ADARB1: variants seen among roughly 807,000 people sequenced by gnomAD.
The protein encoded by ADARB1 is adenosine deaminase RNA specific B1.
In ADARB1, 10 loss-of-function variants were observed where a neutral mutation model predicts 52.4. The ratio of observed to expected loss-of-function variants is 0.19; its 90% CI spans 0.12 to 0.32. ADARB1 has a LOEUF of 0.32. ADARB1 is among the 10% of genes least tolerant of loss of function. ADARB1 has a pLI of 1.00. For missense variants in ADARB1, 643 were observed against 922.3 expected, an observed-to-expected ratio of 0.70 and a Z score of 3.92; for synonymous variants, 349 against 371.1, an observed-to-expected ratio of 0.94 and a Z score of 0.68.
Position 45,176,436 on chromosome 21 carries a change from A to G in ADARB1, c.735A>G (p.Pro245=), listed in dbSNP as rs530540302. The change falls in exon 4 of 11, where the codon CCA becomes CCG. Residue 245 remains proline (P), a synonymous_variant. Transcript: ENST00000348831. This position sits in a 1 kb window ranked among gnomAD's most constrained non-coding sequence, Gnocchi z 5.8. ...TGATGATCTTGAACGAACTGCGCCC[A>G]GGACTCAAGTATGACTTCCTCTCCG... is the stretch of plus-strand genomic sequence containing the variant. ...NPVMILNELR[P]GLKYDFLSES... is the part of the protein sequence containing the mutation. 9.9e-6 allele frequency: 16 copies of G among 1,614,138 alleles called. No individual in the cohort carries two copies. In the East Asian group the frequency reaches 3.1e-4, roughly 31 times the overall value.
At chr21:45,151,128 T>C (rs2090263005) in intron 2 of ADARB1, among the ~76,000 whole-genome samples, 1 of 152,176 alleles carries the variant, frequency 6.6e-6, no homozygotes, top group Non-Finnish European at 1.5e-5. Context: ...TGCCTCTAGG[T>C]TCTCATCTCT....
In ADARB1 at chr21:45,204,895, CGGGCCTTGTCTCTA is replaced by C. The variant is rs951254685; in HGVS notation, c.1747+167_1747+180del. The stretch of plus-strand genomic sequence containing the variant: ...CCAAGGTGATGTTTCTGAGGCTCTC[CGGGCCTTGTCTCTA>C]GGGCCTTTTAAGTGAGTCTCTCTGT... On this transcript the variant is annotated intron_variant, in intron 9 of 10. Coordinates refer to ENST00000348831, the MANE Select transcript of ADARB1 (RefSeq NM_001112.4). The surrounding 1 kb of genome is among the most constrained non-coding windows in gnomAD (Gnocchi z 4.4). Among the ~76,000 whole-genome samples the C allele has an allele frequency of 5.9e-5, 9 of 152,166 alleles. No individual in the cohort carries two copies. Among genetic ancestry groups the C allele is most frequent in the African/African-American group, 2.2e-4 (9 of 41,432 alleles).
intron 2 of ADARB1, among the ~76,000 whole-genome samples, chr21:45,168,965 G>T (rs767455022): frequency 4.6e-5 from 7 of 152,084 alleles, no homozygotes; most frequent in Non-Finnish European, 1.0e-4. Context: ...CATACACCAC[G>T]GTGTCAGAGG....
chr21:45,197,576 A>G (rs984028313), intron 8 of ADARB1, among the ~76,000 whole-genome samples: 4 of 152,208 alleles, frequency 2.6e-5, no homozygotes, highest in Admixed American at 1.3e-4. Context: ...TACCAAAGAG[A>G]AATGAAAGCG....
At chr21:45,205,653 T>G (rs1451968606) in intron 9 of ADARB1, among the ~76,000 whole-genome samples, 1 of 152,246 alleles carries the variant, frequency 6.6e-6, no homozygotes, top group East Asian at 1.9e-4. Flanking sequence ...CTTTTTTCTT[T>G]TTTTAGAATT....
chr21:45,079,477 T>G (rs1471881571), intron 1 of ADARB1, among the ~76,000 whole-genome samples: 1 of 152,208 alleles, frequency 6.6e-6, no homozygotes, highest in Non-Finnish European at 1.5e-5. Flanking sequence ...GAAGAGCCAG[T>G]GTTGGGATTT....
chr21:45,137,489 T>C (rs1318560016), intron 2 of ADARB1, among the ~76,000 whole-genome samples: 1 of 152,146 alleles, frequency 6.6e-6, no homozygotes, highest in African/African-American at 2.4e-5. Context: ...GCCCTTCGGG[T>C]GTGCCAGGAG....
rs2091518008 is a variant in ADARB1 at position 45,172,338 on chromosome 21, G to A, written c.28+654G>A. Among the ~76,000 whole-genome samples, 1 of 152,132 alleles carries A rather than the reference G, an allele frequency of 6.6e-6. No homozygotes were observed. Among genetic ancestry groups the A allele is most frequent in the Non-Finnish European group, 1.5e-5 (1 of 68,034 alleles). On this transcript the variant is annotated intron_variant, in intron 3 of 10. Transcript: ENST00000348831. The surrounding 1 kb of genome is among the most constrained non-coding windows in gnomAD (Gnocchi z 4.4). ...AGATGCTTCCACGGAAGTTGGGAGA[G>A]TTTAGTAGAGAAATTACAACAAAGG...
At position 45,176,661 on chromosome 21, in the gene ADARB1, G is replaced by A. The variant is rs1432945444; in HGVS notation, c.960G>A (p.Pro320=). 19 of 1,604,594 alleles carry A rather than the reference G, an allele frequency of 1.2e-5. 1 individual carries two copies. The highest frequency in any genetic ancestry group is 2.2e-5 in the East Asian group (1 of 44,826). ...GTGAGGGTCTTCAGCTGCATTTACC[G>A]CAGGTGAGGAACTATGCTGCTGCTT... ...IPSEGLQLHL[P]QVLADAVSRL... is the part of the protein sequence containing the mutation. The change falls in exon 4 of 11, where the codon CCG becomes CCA. Residue 320 remains proline, a synonymous_variant. Transcript: ENST00000348831. The surrounding 1 kb of genome is among the most constrained non-coding windows in gnomAD (Gnocchi z 5.8).
intron 2 of ADARB1, among the ~76,000 whole-genome samples, chr21:45,138,739 C>T (rs1372402628): frequency 1.3e-5 from 2 of 152,136 alleles, no homozygotes; most frequent in African/African-American, 4.8e-5. Context: ...ACTGGATCAG[C>T]TTACCAAGCC....
intron 8 of ADARB1, among the ~76,000 whole-genome samples, chr21:45,196,545 GAAAT>G (rs1276177480): frequency 6.6e-6 from 1 of 152,188 alleles, no homozygotes; most frequent in Non-Finnish European, 1.5e-5. Context: ...TAAACAGTGA[GAAAT>G]AAACTGACAA....
chr21:45,203,156 G>A (rs1330912492), intron 8 of ADARB1, among the ~76,000 whole-genome samples: 3 of 151,996 alleles, frequency 2.0e-5, no homozygotes, highest in Non-Finnish European at 4.4e-5. Context: ...TCTGAATACC[G>A]CCCCCTCCCT....
At chr21:45,129,840 T>G (rs968934431) in intron 2 of ADARB1, among the ~76,000 whole-genome samples, 1 of 152,032 alleles carries the variant, frequency 6.6e-6, no homozygotes, top group Non-Finnish European at 1.5e-5. Flanking sequence ...GGGTTTTGAG[T>G]TTGTGCCAGC....
intron 2 of ADARB1, among the ~76,000 whole-genome samples, chr21:45,163,610 C>T (rs1300036716): frequency 6.6e-6 from 1 of 152,000 alleles, no homozygotes; most frequent in Non-Finnish European, 1.5e-5. Flanking sequence ...ACTCTGGGCC[C>T]TCAAGGCCAG....
intron 1 of ADARB1, among the ~76,000 whole-genome samples, chr21:45,091,521 C>G (rs1017369372): frequency 6.6e-6 from 1 of 152,132 alleles, no homozygotes; most frequent in Non-Finnish European, 1.5e-5. Context: ...TGCTATAGTT[C>G]TGGACATCAT....
At chr21:45,207,528 T>G (rs1480975153) in intron 9 of ADARB1, among the ~76,000 whole-genome samples, 1 of 152,158 alleles carries the variant, frequency 6.6e-6, no homozygotes, top group Non-Finnish European at 1.5e-5. Flanking sequence ...TGTTGATGTC[T>G]TAATAGATTT....
chr21:45,144,377 G>C (rs2089903891), intron 2 of ADARB1, among the ~76,000 whole-genome samples: 2 of 152,296 alleles, frequency 1.3e-5, no homozygotes, highest in Middle Eastern at 3.4e-3. Flanking sequence ...ATGGTGTATG[G>C]CTATTTGTGA....
chr21:45,222,037 G>A lies in ADARB1; in HGVS notation c.1946G>A (p.Arg649His), dbSNP rs1455647327. 4 of 1,613,526 alleles carry A rather than the reference G, an allele frequency of 2.5e-6. No homozygotes were observed. The highest frequency in any genetic ancestry group is 2.2e-5 in the East Asian group (1 of 44,894). ...VHGKVPSHLL[R>H]SKITKPNVYH... ...TCACAGGTTCCCTCCCACTTACTAC[G>A]CTCCAAGATTACCAAGCCCAACGTG... The change falls in exon 11 of 11, where the codon CGC becomes CAC. Residue 649 changes from arginine to histidine, a missense_variant. Arg to His is a conservative substitution (Grantham distance 29). Around this residue, in one of 2 missense-constraint regions of ADARB1, gnomAD observed 263 missense variants for 475.8 expected, o/e 0.55. Coordinates refer to ENST00000348831, the MANE Select transcript of ADARB1 (RefSeq NM_001112.4).
intron 1 of ADARB1, among the ~76,000 whole-genome samples, chr21:45,124,997 A>G (rs1211600233): frequency 1.3e-5 from 2 of 151,490 alleles, no homozygotes; most frequent in African/African-American, 2.4e-5. Context: ...TGGTTTTGCT[A>G]TGTTGCTCAG....
Sources: allele counts gnomAD v4.1 joint callset (sites outside exome capture counted in the v4.1 genomes callset), GRCh38; gene constraint gnomAD v4.1.1; regional missense constraint gnomAD v4.1.1; non-coding constraint Gnocchi (gnomAD v3.1); transcripts MANE v1.5; gene names NCBI Gene and HGNC (gene_info 2026-07-23, HGNC 2026-07-21).